A1CF: variants seen among roughly 807,000 people sequenced by gnomAD.
The protein encoded by A1CF is APOBEC-1 stimulating protein.
A neutral mutation model predicts 68.9 loss-of-function variants in A1CF; 48 were observed. That is an observed-to-expected ratio of 0.70 (90% CI 0.55 to 0.89). The LOEUF is 0.89. Ranked by LOEUF, A1CF falls within the 40% of genes least tolerant of loss-of-function variation. A1CF has a pLI of 0.00. For missense variants in A1CF, 653 were observed against 718.9 expected, an observed-to-expected ratio of 0.91 and a Z score of 1.05; for synonymous variants, 272 against 260.4, an observed-to-expected ratio of 1.04 and a Z score of -0.43.
chr10:50,863,744 G>A (rs1011792854), intron 2 of A1CF, among the ~76,000 whole-genome samples: 4 of 152,092 alleles, frequency 2.6e-5, no homozygotes, highest in Admixed American at 1.3e-4. Flanking sequence ...TGGGGAGAAG[G>A]AGATGAATAG....
At chr10:50,850,344 T>C (rs1564520714) in intron 3 of A1CF, among the ~76,000 whole-genome samples, 1 of 152,240 alleles carries the variant, frequency 6.6e-6, no homozygotes, top group Non-Finnish European at 1.5e-5. Context: ...ATAATATCTT[T>C]TAATAATTTC....
chr10:50,874,190 A>T (rs1213867488), intron 1 of A1CF, among the ~76,000 whole-genome samples: 1 of 152,176 alleles, frequency 6.6e-6, no homozygotes, highest in Non-Finnish European at 1.5e-5. Context: ...ACAGATCATC[A>T]GATCATCATT....
intron 1 of A1CF, among the ~76,000 whole-genome samples, chr10:50,873,453 G>A (rs1195076764): frequency 1.3e-5 from 2 of 152,100 alleles, no homozygotes; most frequent in Non-Finnish European, 2.9e-5. Context: ...TACACACAGG[G>A]AATGAGTAAG....
intron 2 of A1CF, among the ~76,000 whole-genome samples, chr10:50,863,670 A>T (rs995163407): frequency 6.6e-6 from 1 of 152,160 alleles, no homozygotes; most frequent in Non-Finnish European, 1.5e-5. Flanking sequence ...TAAGTAGAAT[A>T]CAAAAAGTGG....
At chr10:50,808,283 T>G (rs1307734486) in intron 12 of A1CF, among the ~76,000 whole-genome samples, 3 of 152,190 alleles carry the variant, frequency 2.0e-5, no homozygotes, top group African/African-American at 7.2e-5. Context: ...CTCAGATTCT[T>G]AGGCATTCCC....
intron 1 of A1CF, among the ~76,000 whole-genome samples, chr10:50,879,875 C>CTGG (rs1226445342): frequency 2.0e-5 from 3 of 152,132 alleles, no homozygotes; most frequent in Admixed American, 6.5e-5. Flanking sequence ...AAATGGGTCT[C>CTGG]CTTTAACTGA....
At chr10:50,835,234 G>A (rs1839433204) in intron 6 of A1CF, among the ~76,000 whole-genome samples, 1 of 151,920 alleles carries the variant, frequency 6.6e-6, no homozygotes, top group Admixed American at 6.6e-5. Context: ...ATATCTAGGG[G>A]GCTGATCTAG....
At chr10:50,858,127 C>T (rs550740170) in intron 3 of A1CF, among the ~76,000 whole-genome samples, 2 of 152,220 alleles carry the variant, frequency 1.3e-5, no homozygotes, top group African/African-American at 4.8e-5. Context: ...TTATCCTCCA[C>T]CCTGACATAC....
intron 10 of A1CF, among the ~76,000 whole-genome samples, chr10:50,812,677 A>G (rs984500159): frequency 6.6e-6 from 1 of 152,174 alleles, no homozygotes; most frequent in African/African-American, 2.4e-5. Context: ...AACAAACTTC[A>G]TCATATCACT....
intron 1 of A1CF, among the ~76,000 whole-genome samples, chr10:50,879,183 C>A (rs1172537934): frequency 6.6e-6 from 1 of 152,216 alleles, no homozygotes; most frequent in African/African-American, 2.4e-5. Context: ...TTGGGAGCAT[C>A]TGAGTCTCAA....
chr10:50,827,893 A>G (rs1162629258), intron 7 of A1CF, among the ~76,000 whole-genome samples: 1 of 152,208 alleles, frequency 6.6e-6, no homozygotes, highest in Non-Finnish European at 1.5e-5. Flanking sequence ...ACCACTAGCA[A>G]GACTAATAAA....
intron 3 of A1CF, chr10:50,850,669 T>A: frequency 6.2e-7 from 1 of 1,613,968 alleles, no homozygotes; most frequent in African/African-American, 1.3e-5. Flanking sequence ...GCTTACCTTT[T>A]CCAGCAAAGT....
intron 1 of A1CF, among the ~76,000 whole-genome samples, chr10:50,872,261 A>C (rs1349923169): frequency 1.3e-5 from 2 of 152,208 alleles, no homozygotes; most frequent in African/African-American, 4.8e-5. Context: ...CATAGCTAAC[A>C]TTTACTGAAC....
At chr10:50,876,168 G>T (rs539745800) in intron 1 of A1CF, among the ~76,000 whole-genome samples, 246 of 152,330 alleles carry the variant, frequency 1.6e-3, no homozygotes, top group Non-Finnish European at 3.0e-3. Context: ...GTGATTGTGT[G>T]TATGTATAGA....
intron 1 of A1CF, among the ~76,000 whole-genome samples, chr10:50,878,412 A>T (rs191299415): frequency 6.6e-6 from 1 of 152,354 alleles, no homozygotes; most frequent in Admixed American, 6.5e-5. Context: ...TGATCTAATT[A>T]TTGAAACAAC....
chr10:50,838,537 T>C (rs1270628559), intron 5 of A1CF, among the ~76,000 whole-genome samples: 5 of 152,156 alleles, frequency 3.3e-5, no homozygotes, highest in Non-Finnish European at 5.9e-5. Context: ...ATGGTTGTGG[T>C]TTGTCAGGCA....
chr10:50,816,399 G>T, intron 8 of A1CF, 120 bp from the exon 9 acceptor site: 1 of 1,154,460 alleles, frequency 8.7e-7, no homozygotes, highest in Non-Finnish European at 1.2e-6. Context: ...TTTATTGATT[G>T]TATCTTGTCA....
intron 1 of A1CF, among the ~76,000 whole-genome samples, chr10:50,876,937 A>C (rs1250374211): frequency 6.6e-6 from 1 of 152,230 alleles, no homozygotes; most frequent in Non-Finnish European, 1.5e-5. Context: ...TGAATAATAC[A>C]TACACGTAAC....
chr10:50,862,409 A>G (rs1305868938), intron 2 of A1CF, among the ~76,000 whole-genome samples: 1 of 152,138 alleles, frequency 6.6e-6, no homozygotes, highest in Non-Finnish European at 1.5e-5. Flanking sequence ...TAGAACATCA[A>G]AGGAAAAAAT....
Sources: allele counts gnomAD v4.1 joint callset (sites outside exome capture counted in the v4.1 genomes callset), GRCh38; gene constraint gnomAD v4.1.1; transcripts MANE v1.5; gene names NCBI Gene and HGNC (gene_info 2026-07-23, HGNC 2026-07-21).